Variants in SLC1A1 observed in about 807,000 individuals in gnomAD.
The protein encoded by SLC1A1 is excitatory amino acid transporter 3.
A neutral mutation model predicts 53.3 loss-of-function variants in SLC1A1; 43 were observed. The observed-to-expected ratio is 0.81, with a 90% CI of 0.63 to 1.04. SLC1A1 has a LOEUF of 1.04. SLC1A1 is among the 50% of genes least tolerant of loss of function. SLC1A1 has a pLI of 0.00. For synonymous variants in SLC1A1, 307 were observed against 243.2 expected (o/e 1.26, Z -2.44); for missense variants, 748 against 664.9 (o/e 1.12, Z -1.37).
intron 1 of SLC1A1, among the ~76,000 whole-genome samples, chr9:4,512,773 T>C (rs541215032): frequency 6.6e-6 from 1 of 152,202 alleles, no homozygotes; most frequent in Non-Finnish European, 1.5e-5. Context: ...TTTTTATTTT[T>C]TTTTAAATTG....
intron 1 of SLC1A1, among the ~76,000 whole-genome samples, chr9:4,525,855 C>G (rs10758628): frequency 4.0e-5 from 6 of 151,844 alleles, no homozygotes; most frequent in South Asian, 2.1e-4. Flanking sequence ...GAAACTGAAA[C>G]TCATATTTTT....
chr9:4,571,002 T>A (rs369080853), intron 6 of SLC1A1, among the ~76,000 whole-genome samples: 3 of 152,000 alleles, frequency 2.0e-5, no homozygotes, highest in South Asian at 4.1e-4. Context: ...AATGATAGAC[T>A]GGATAAAGAA....
intron 9 of SLC1A1, 94 bp from the exon 10 acceptor site, chr9:4,576,475 C>T: frequency 2.0e-6 from 2 of 1,023,444 alleles, no homozygotes; most frequent in South Asian, 2.6e-5. Context: ...TAAAAGGACC[C>T]TTTGTTTACT....
chr9:4,522,042 CTTTTT>C (rs796721359), intron 1 of SLC1A1, among the ~76,000 whole-genome samples: 3 of 88,448 alleles, frequency 3.4e-5, no homozygotes, highest in Admixed American at 2.3e-4. Flanking sequence ...GAACCTGCCT[CTTTTT>C]TTTTTTCTTT....
intron 7 of SLC1A1, among the ~76,000 whole-genome samples, chr9:4,573,648 C>A (rs1169733706): frequency 6.6e-6 from 1 of 152,138 alleles, no homozygotes; most frequent in Non-Finnish European, 1.5e-5. Context: ...CATCTAACCA[C>A]ATGTTCTTGC....
At chr9:4,493,629 G>C (rs1393815056) in intron 1 of SLC1A1, among the ~76,000 whole-genome samples, 1 of 152,208 alleles carries the variant, frequency 6.6e-6, no homozygotes, top group Non-Finnish European at 1.5e-5. Context: ...CTGACCAGGT[G>C]CAGTGGCTCA....
intron 2 of SLC1A1, among the ~76,000 whole-genome samples, chr9:4,558,687 G>T (rs548558390): frequency 1.3e-5 from 2 of 152,248 alleles, no homozygotes; most frequent in East Asian, 3.9e-4. Flanking sequence ...TATCCACATA[G>T]ATTTAATTTG....
At chr9:4,579,565 C>T (rs1476423163) in intron 10 of SLC1A1, among the ~76,000 whole-genome samples, 6 of 152,178 alleles carry the variant, frequency 3.9e-5, no homozygotes, top group South Asian at 2.1e-4. Flanking sequence ...AAAGCCTCTC[C>T]GGCTACCTCT....
chr9:4,580,331 A>G (rs1250943366), intron 10 of SLC1A1, among the ~76,000 whole-genome samples: 6 of 152,226 alleles, frequency 3.9e-5, no homozygotes, highest in Non-Finnish European at 5.9e-5. Flanking sequence ...CTGTAATATC[A>G]GCACTTTAAG....
intron 6 of SLC1A1, among the ~76,000 whole-genome samples, chr9:4,568,563 A>C (rs920245448): frequency 6.6e-6 from 1 of 151,928 alleles, no homozygotes; most frequent in Non-Finnish European, 1.5e-5. Flanking sequence ...TGCACAAAAC[A>C]TTTTAATATT....
chr9:4,524,223 T>A (rs1218329491), intron 1 of SLC1A1, among the ~76,000 whole-genome samples: 1 of 152,252 alleles, frequency 6.6e-6, no homozygotes, highest in African/African-American at 2.4e-5. Context: ...TGTGGAACTC[T>A]CAATTTTAAT....
chr9:4,537,768 G>A (rs1490614274), intron 1 of SLC1A1, among the ~76,000 whole-genome samples: 1 of 152,044 alleles, frequency 6.6e-6, no homozygotes, highest in Non-Finnish European at 1.5e-5. Context: ...AGGAGCCCTT[G>A]GGGGTAGGGA....
intron 1 of SLC1A1, among the ~76,000 whole-genome samples, chr9:4,503,899 A>C (rs1820717267): frequency 6.7e-6 from 1 of 148,234 alleles, no homozygotes; most frequent in Admixed American, 6.6e-5. Flanking sequence ...TTGATCCCCT[A>C]GAAGCCCACT....
Position 4,583,528 on chromosome 9 carries a change from C to A in SLC1A1, c.1328+356C>A, listed in dbSNP as rs552723626. 2.7e-4 allele frequency among the ~76,000 whole-genome samples: 41 copies of A among 152,142 alleles called. No individual in the cohort carries two copies. Among genetic ancestry groups the A allele is most frequent in the Admixed American group, 2.7e-3 (41 of 15,266 alleles). On this transcript the variant is annotated intron_variant, in intron 11 of 11. Coordinates refer to ENST00000262352, the MANE Select transcript of SLC1A1 (RefSeq NM_004170.6). This position sits in a 1 kb window ranked among gnomAD's most constrained non-coding sequence, Gnocchi z 4.6. Reference sequence around the variant, plus strand: ...CTGGTTCAGCATCATAGGCTCAGAACCACCTAGTTCAAAATCAGTCCGTCT... The same window carrying A: ...CTGGTTCAGCATCATAGGCTCAGAAACACCTAGTTCAAAATCAGTCCGTCT...
intron 1 of SLC1A1, among the ~76,000 whole-genome samples, chr9:4,493,243 CA>C (rs1400808392): frequency 1.3e-5 from 2 of 152,204 alleles, no homozygotes; most frequent in Admixed American, 6.5e-5. Context: ...TGAGAAGTCT[CA>C]AACCTAGACC....
chr9:4,524,520 T>C (rs1043805883), intron 1 of SLC1A1, among the ~76,000 whole-genome samples: 3 of 152,150 alleles, frequency 2.0e-5, no homozygotes, highest in Non-Finnish European at 4.4e-5. Flanking sequence ...CCTGTCTTAA[T>C]CTGTTTTGTG....
At chr9:4,573,675 C>A (rs1820274701) in intron 7 of SLC1A1, among the ~76,000 whole-genome samples, 1 of 152,016 alleles carries the variant, frequency 6.6e-6, no homozygotes, top group African/African-American at 2.4e-5. Context: ...TGCAAACTAC[C>A]CTATGGTAGT....
intron 1 of SLC1A1, among the ~76,000 whole-genome samples, chr9:4,528,458 C>G (rs1564009644): frequency 6.6e-6 from 1 of 152,106 alleles, no homozygotes; most frequent in Non-Finnish European, 1.5e-5. Flanking sequence ...TGCCTGTAGT[C>G]CCAGCTACTC....
At chr9:4,533,010 T>G (rs1361738346) in intron 1 of SLC1A1, among the ~76,000 whole-genome samples, 3 of 152,038 alleles carry the variant, frequency 2.0e-5, no homozygotes, top group Non-Finnish European at 2.9e-5. Flanking sequence ...GACAAGCAAA[T>G]GCTGAGAGAT....
Sources: gnomAD v4.1 joint callset for allele counts (sites outside exome capture counted in the v4.1 genomes callset) on GRCh38, gnomAD v4.1.1 for gene constraint, Gnocchi (gnomAD v3.1) non-coding constraint, MANE v1.5 for transcripts, NCBI Gene and HGNC (gene_info 2026-07-23, HGNC 2026-07-21) for gene names.